CYP17A1: variants seen among roughly 807,000 people sequenced by gnomAD.
The protein encoded by CYP17A1 is steroid 17-alpha-hydroxylase/17,20 lyase.
Under a neutral mutation model 38.5 loss-of-function variants are expected in CYP17A1, and 27 were observed. The ratio of observed to expected loss-of-function variants is 0.70; its 90% CI spans 0.52 to 0.97. The LOEUF is 0.97. CYP17A1 is among the 50% of genes least tolerant of loss of function. The probability of loss-of-function intolerance (pLI) is 0.00; values close to 1 mark genes in which losing one functional copy is unlikely to be tolerated. For synonymous variants in CYP17A1, 263 were observed against 253.3 expected (o/e 1.04, Z -0.36); for missense variants, 549 against 645.9 (o/e 0.85, Z 1.63).
chr10:102,830,922 C>A lies in CYP17A1; in HGVS notation c.1307G>T (p.Gly436Val). 1 of 1,574,322 alleles carries A rather than the reference C, an allele frequency of 6.4e-7. No individual in the cohort carries two copies. Among genetic ancestry groups the A allele is most frequent in the East Asian group, 2.3e-5 (1 of 43,282 alleles). The part of the protein sequence containing the change: ...ISPSVSYLPF[G>V]AGPRSCIGEI... ...ACCTATACAGGAGCGAGGTCCTGCT[C>A]CGAAGGGCAAATAGCTTACTGACGG... Residue 436 changes from glycine (G) to valine (V), a missense_variant, in exon 8 of 8, where the codon GGA (glycine) becomes GTA (valine). By Grantham distance (109) the Gly-to-Val change is moderately radical. This residue lies in a region of CYP17A1 where 257 missense variants were observed against 307.9 expected (regional missense o/e 0.83). Coordinates refer to ENST00000369887, the MANE Select transcript of CYP17A1 (RefSeq NM_000102.4). This position sits in a 1 kb window ranked among gnomAD's most constrained non-coding sequence, Gnocchi z 4.1.
intron 4 of CYP17A1, chr10:102,833,704 C>T: frequency 6.7e-6 from 2 of 298,764 alleles, no homozygotes; most frequent in South Asian, 3.5e-5. Flanking sequence ...GATCTGCCCA[C>T]CTTGGCCTCC....
chr10:102,831,089 G>A (rs915546176), intron 7 of CYP17A1, 104 bp from the exon 8 acceptor site: 63 of 466,252 alleles, frequency 1.4e-4, no homozygotes, highest in Middle Eastern at 6.6e-4. Flanking sequence ...AGGGAACCCT[G>A]ATCTGAGGAT....
At chr10:102,835,642 A>C in intron 1 of CYP17A1, 5 of 527,650 alleles carry the variant, frequency 9.5e-6, no homozygotes, top group African/African-American at 1.9e-5. Flanking sequence ...CTTAATTAGA[A>C]TGCAGCAGCA....
intron 1 of CYP17A1, 178 bp downstream of exon 1, chr10:102,836,887 C>T: frequency 3.1e-6 from 2 of 648,496 alleles, no homozygotes. Flanking sequence ...TTCTTCCTGC[C>T]TAATTTAGAG....
chr10:102,833,399 T>A, intron 4 of CYP17A1, 191 bp from the exon 5 acceptor site: 1 of 1,079,652 alleles, frequency 9.3e-7, no homozygotes, highest in African/African-American at 1.6e-5. Flanking sequence ...GTGGAGAGGT[T>A]AGGTCTCTTC....
At position 102,831,587 on chromosome 10, in the gene CYP17A1, C is replaced by G; in HGVS notation, c.1164G>C (p.Lys388Asn). ...DSSIGEFAVD[K>N]GTEVIINLWA... ...ACAGATTGATGATAACTTCTGTGCC[C>G]TTGTCCACAGCAAACTCACCGATGC... The change falls in exon 7 of 8, where the codon AAG becomes AAC. Residue 388 changes from lysine to asparagine, a missense_variant. Physicochemically the swap from Lys to Asn is moderately conservative, Grantham distance 94. Transcript: ENST00000369887. 1 of 1,613,918 alleles carries G rather than the reference C, an allele frequency of 6.2e-7. No homozygotes were observed. The highest frequency in any genetic ancestry group is 8.5e-7 in the Non-Finnish European group (1 of 1,180,020).
rs58822002 is a variant in CYP17A1 at position 102,834,996 on chromosome 10, G to C, written c.455C>G (p.Thr152Arg). 6.3e-7 allele frequency: 1 copy of C among 1,598,438 alleles called. No homozygotes were observed. The highest frequency in any genetic ancestry group is 1.7e-5 in the Admixed American group (1 of 60,020). ...GTGGGTGGCCAGCATATCACACAAT[G>C]TACTGATTTCCTGACAAACTGAAGG... ...LEKIICQEIS[T>R]LCDMLATHNG... Residue 152 changes from threonine (T) to arginine (R), a missense_variant, in exon 3 of 8, where the codon ACA (threonine) becomes AGA (arginine). Around this residue, in one of 3 missense-constraint regions of CYP17A1, gnomAD observed 289 missense variants for 320.9 expected, o/e 0.90. Transcript: ENST00000369887.
rs758354727 is a variant in CYP17A1, at chr10:102,834,934, C to T, written c.517G>A (p.Val173Met). The change falls in exon 3 of 8, where the codon GTG becomes ATG. Residue 173 changes from valine (V) to methionine (M), a missense_variant. This residue lies in a region of CYP17A1 where 289 missense variants were observed against 320.9 expected (regional missense o/e 0.90). Transcript: ENST00000369887. ...AAGGAGATGACATTGGTTACCGCCACGAAGACAGGAAAGGAGATGTCTATG... is the reference window on the plus strand; with the variant it reads ...AAGGAGATGACATTGGTTACCGCCATGAAGACAGGAAAGGAGATGTCTATG... ...QSIDISFPVF[V>M]AVTNVISLIC... The T allele has an allele frequency of 1.9e-5, 31 of 1,613,414 alleles. No homozygotes were observed. In the East Asian group the frequency reaches 2.0e-4, roughly 10 times the overall value.
At chr10:102,834,686 TG>T in intron 3 of CYP17A1, 98 bp downstream of exon 3, 1 of 1,560,292 alleles carries the variant, frequency 6.4e-7, no homozygotes, top group East Asian at 2.3e-5. Context: ...AGGAAAAAGA[TG>T]GGTCATTGCG....
chr10:102,835,631 C>G, intron 1 of CYP17A1: 2 of 562,274 alleles, frequency 3.6e-6, no homozygotes, highest in African/African-American at 1.9e-5. Flanking sequence ...AAGAAAGAAC[C>G]CTTAATTAGA....
rs1844088267 is a variant in CYP17A1 at position 102,831,508 on chromosome 10, C to G, written c.1243G>C (p.Glu415Gln). ...EWHQPDQFMP[E>Q]RFLNPAGTQL... The stretch of plus-strand genomic sequence containing the variant: ...AGGGCGCAGGACAGGACAGACTCAC[C>G]AGGCATGAACTGATCCGGCTGGTGC... Residue 415 changes from glutamate to glutamine, a missense_variant and splice_region_variant, in exon 7 of 8, where the codon GAG (glutamate) becomes CAG (glutamine). Coordinates refer to ENST00000369887, the MANE Select transcript of CYP17A1 (RefSeq NM_000102.4). 5 of 1,613,900 alleles carry G rather than the reference C, an allele frequency of 3.1e-6. No individual in the cohort carries two copies. Among genetic ancestry groups the G allele is most frequent in the Non-Finnish European group, 4.2e-6 (5 of 1,180,028 alleles).
intron 1 of CYP17A1, among the ~76,000 whole-genome samples, chr10:102,835,774 G>C (rs1248672693): frequency 6.6e-6 from 1 of 152,170 alleles, no homozygotes; most frequent in African/African-American, 2.4e-5. Flanking sequence ...AGAGGGTAGG[G>C]AGCAGGTGAG....
At position 102,834,923 on chromosome 10, in the gene CYP17A1, G is replaced by A. The variant is rs148082634; in HGVS notation, c.528C>T (p.Thr176=). Residue 176 remains threonine (T), a synonymous_variant, in exon 3 of 8, where the codon ACC becomes ACT. Transcript: ENST00000369887. ...TGAAGCAGATCAAGGAGATGACATTGGTTACCGCCACGAAGACAGGAAAGG... is the reference window on the plus strand; with the variant it reads ...TGAAGCAGATCAAGGAGATGACATTAGTTACCGCCACGAAGACAGGAAAGG... ...DISFPVFVAV[T]NVISLICFNT... 4 of 1,613,680 alleles carry A rather than the reference G, an allele frequency of 2.5e-6. No homozygotes were observed. The East Asian group carries it at 8.9e-5, about 36-fold the overall frequency.
In CYP17A1 at chr10:102,835,617, G is replaced by A. The variant is rs1164995899; in HGVS notation, c.298-225C>T. The A allele has an allele frequency of 6.8e-6, 4 of 585,722 alleles. No homozygotes were observed. The East Asian group carries it at 1.2e-4, about 17-fold the overall frequency. The allele number at this position is 585,722 out of a possible 1,614,324, so 36.3% of individuals were successfully genotyped here. ...TCCTTCAGAAATACAGTAGATCAAG[G>A]AGAAAGAAAGAACCCTTAATTAGAA... is the stretch of plus-strand genomic sequence containing the variant. On this transcript the variant is annotated intron_variant, in intron 1 of 7. Transcript: ENST00000369887.
chr10:102,831,782 C>T (rs1844093239), intron 6 of CYP17A1, 171 bp from the exon 7 acceptor site: 1 of 1,234,748 alleles, frequency 8.1e-7, no homozygotes, highest in East Asian at 2.6e-5. Flanking sequence ...TCCAGCCCTT[C>T]TCCATCCCTT....
At position 102,837,278 on chromosome 10, in the gene CYP17A1, G is replaced by A. The variant is rs1590204861; in HGVS notation, c.84C>T (p.Pro28=). The A allele has an allele frequency of 6.2e-7, 1 of 1,604,496 alleles. No individual in the cohort carries two copies. The highest frequency in any genetic ancestry group is 1.3e-5 in the African/African-American group (1 of 74,844). ...CCAGGGGCAGGGACAGGAGGCTCTT[G>A]GGGTACTTGGCACCAGGGCACCTTC... ...PKRRCPGAKY[P]KSLLSLPLVG... is the part of the protein sequence containing the mutation. Residue 28 remains proline, a synonymous_variant, in exon 1 of 8, where the codon CCC becomes CCT. Coordinates refer to ENST00000369887, the MANE Select transcript of CYP17A1 (RefSeq NM_000102.4).
intron 1 of CYP17A1, among the ~76,000 whole-genome samples, chr10:102,836,386 G>A (rs144367182): frequency 2.7e-5 from 4 of 150,646 alleles, no homozygotes; most frequent in Middle Eastern, 3.4e-3. Flanking sequence ...GAACCCGGGA[G>A]GCAGAGGTTG....
At chr10:102,832,831 G>A in intron 5 of CYP17A1, 151 bp from the exon 6 acceptor site, 4 of 1,427,584 alleles carry the variant, frequency 2.8e-6, no homozygotes, top group Non-Finnish European at 3.9e-6. Flanking sequence ...TCCAGAAGAT[G>A]GGGCAGCTCT....
rs1432150299 is a variant in CYP17A1, at chr10:102,830,689, TGAGTTACAGCCTTTAG to T, written c.1524_*12del. 6.6e-7 allele frequency: 1 copy of T among 1,507,174 alleles called. No homozygotes were observed. The highest frequency in any genetic ancestry group is 9.2e-7 in the Non-Finnish European group (1 of 1,088,132). The allele number at this position is 1,507,174 out of a possible 1,614,324, so 93.4% of individuals were successfully genotyped here. On this transcript the variant is annotated stop_lost and 3_prime_UTR_variant, in exon 8 of 8. Coordinates refer to ENST00000369887, the MANE Select transcript of CYP17A1 (RefSeq NM_000102.4). The surrounding 1 kb of genome is among the most constrained non-coding windows in gnomAD (Gnocchi z 4.1). ...GGCCACATAGGGTGGACAGGGGCTG[TGAGTTACAGCCTTTAG>T]GTGCTACCCTCAGCCTGGGCTTCCC...
Sources: gnomAD v4.1 joint callset for allele counts (sites outside exome capture counted in the v4.1 genomes callset) on GRCh38, gnomAD v4.1.1 for gene constraint, gnomAD v4.1.1 regional missense constraint, Gnocchi (gnomAD v3.1) non-coding constraint, MANE v1.5 for transcripts, NCBI Gene and HGNC (gene_info 2026-07-23, HGNC 2026-07-21) for gene names.